Variants in RILPL1 observed in about 807,000 individuals in gnomAD.
The protein encoded by RILPL1 is RILP-like protein 1.
A neutral mutation model predicts 50.3 loss-of-function variants in RILPL1; 33 were observed. That is an observed-to-expected ratio of 0.66 (90% CI 0.50 to 0.88). RILPL1 has a LOEUF of 0.88. Ranked by LOEUF, RILPL1 falls within the 40% of genes least tolerant of loss-of-function variation. The pLI, the probability that RILPL1 is intolerant of heterozygous loss-of-function variation, is 0.00. For missense variants in RILPL1, 418 were observed against 542.5 expected, an observed-to-expected ratio of 0.77 and a Z score of 2.28; for synonymous variants, 205 against 228.6, an observed-to-expected ratio of 0.90 and a Z score of 0.93.
Position 123,494,396 on chromosome 12 carries a change from C to T in RILPL1, c.801+4148G>A, listed in dbSNP as rs1467902764. Among the ~76,000 whole-genome samples the T allele has an allele frequency of 5.9e-5, 9 of 152,368 alleles. No homozygotes were observed. In the East Asian group the frequency reaches 1.7e-3, roughly 29 times the overall value. ...AAAGCAGCCTGGAGGGTTCACATTACCGCAGCCTGATTTTACTCCCTCCTC... is the reference window on the plus strand; with the variant it reads ...AAAGCAGCCTGGAGGGTTCACATTATCGCAGCCTGATTTTACTCCCTCCTC... On this transcript the variant is annotated intron_variant, in intron 4 of 6. Transcript: ENST00000376874.
chr12:123,509,019 C>T, intron 2 of RILPL1, among the ~76,000 whole-genome samples: 1 of 152,104 alleles, frequency 6.6e-6, no homozygotes, highest in Non-Finnish European at 1.5e-5. Flanking sequence ...AACCTCTCGT[C>T]TCTACTAATA....
In RILPL1 at chr12:123,533,686, G is replaced by A. The variant is rs1451348794; in HGVS notation, c.-204C>T. 6.1e-6 allele frequency: 1 copy of A among 164,120 alleles called. No homozygotes were observed. Among genetic ancestry groups the A allele is most frequent in the Non-Finnish European group, 1.2e-5 (1 of 81,670 alleles). The allele number at this position is 164,120 out of a possible 1,614,324, so 10.2% of individuals were successfully genotyped here. A position where few individuals can be genotyped will look rare whatever the true frequency, so the allele number is the denominator to read the frequency against. On this transcript the variant is annotated 5_prime_UTR_variant, in exon 1 of 7. Coordinates refer to ENST00000376874, the MANE Select transcript of RILPL1 (RefSeq NM_178314.5). The surrounding 1 kb of genome is among the most constrained non-coding windows in gnomAD (Gnocchi z 6.2). ...CGCGGGGTGTGCGGGCCCGGGGTCT[G>A]GGCGCCCGGCTCGGCCCGGAGCTGC...
At chr12:123,475,366 G>A (rs895462794) in intron 6 of RILPL1, 19 of 406,184 alleles carry the variant, frequency 4.7e-5, no homozygotes, top group East Asian at 1.4e-4. Flanking sequence ...TTACTGACCC[G>A]TCACTTAAAG....
chr12:123,477,987 CTTTTTTTTT>C (rs56296800), intron 6 of RILPL1, among the ~76,000 whole-genome samples: 4 of 41,176 alleles, frequency 9.7e-5, no homozygotes, highest in African/African-American at 9.7e-5. Context: ...ATCTGTATGT[CTTTTTTTTT>C]TTTTTTTTTT....
chr12:123,476,868 G>A (rs1000778473), intron 6 of RILPL1, among the ~76,000 whole-genome samples: 1 of 152,216 alleles, frequency 6.6e-6, no homozygotes, highest in East Asian at 1.9e-4. Context: ...TGGCTCCCCA[G>A]GGCTAAAATG....
At chr12:123,515,672 T>C (rs979911113) in intron 2 of RILPL1, among the ~76,000 whole-genome samples, 4 of 151,512 alleles carry the variant, frequency 2.6e-5, no homozygotes, top group African/African-American at 9.7e-5. Context: ...GGATGGTCTT[T>C]ATCTCTTCAC....
intron 2 of RILPL1, chr12:123,519,900 G>C (rs1471819409): frequency 6.6e-6 from 1 of 152,428 alleles, no homozygotes; most frequent in African/African-American, 2.4e-5. Context: ...GCCCAGCAGG[G>C]ATCTGGAAGG....
intron 6 of RILPL1, chr12:123,475,968 A>G (rs1881566896): frequency 4.3e-6 from 2 of 464,722 alleles, no homozygotes; most frequent in Admixed American, 3.4e-5. Flanking sequence ...CGGTGGCGCA[A>G]TCTCAGCTTA....
intron 4 of RILPL1, among the ~76,000 whole-genome samples, chr12:123,487,003 T>C (rs1882383432): frequency 6.6e-6 from 1 of 152,124 alleles, no homozygotes. Flanking sequence ...TTCACCATGT[T>C]GGCCAGACTG....
At chr12:123,513,115 TGTGTGTGTGTGGTGTGTGAGGTCC>T (rs1413665091) in intron 2 of RILPL1, among the ~76,000 whole-genome samples, 8 of 121,420 alleles carry the variant, frequency 6.6e-5, no homozygotes, top group Non-Finnish European at 9.2e-5. Flanking sequence ...TGGTGGCGTC[TGTGTGTGTGTGGTGTGTGAGGTCC>T]GTGTGTGTGT....
intron 2 of RILPL1, among the ~76,000 whole-genome samples, chr12:123,506,196 C>T (rs913663581): frequency 2.0e-4 from 30 of 152,146 alleles, no homozygotes; most frequent in African/African-American, 7.0e-4. Context: ...GGAAAGGAGG[C>T]CTGGTGGCAA....
At position 123,485,109 on chromosome 12, in the gene RILPL1, A is replaced by G. The variant is rs143368532; in HGVS notation, c.974+524T>C. ...TTCCTTCCAGCTTTCTATTCAACAG[A>G]TATTTGTTGTGCACCTACTGTGTGC... On this transcript the variant is annotated intron_variant, in intron 5 of 6. Transcript: ENST00000376874. The surrounding 1 kb of genome is among the most constrained non-coding windows in gnomAD (Gnocchi z 4.0). 1.1e-4 allele frequency: 50 copies of G among 455,400 alleles called. No individual in the cohort carries two copies. The East Asian group carries it at 2.2e-3, about 20-fold the overall frequency. The allele number at this position is 455,400 out of a possible 1,614,324, so 28.2% of individuals were successfully genotyped here.
At chr12:123,499,793 G>A (rs1040653833) in intron 2 of RILPL1, among the ~76,000 whole-genome samples, 10 of 151,876 alleles carry the variant, frequency 6.6e-5, no homozygotes, top group Non-Finnish European at 1.2e-4. Context: ...CCCTGTGGCT[G>A]GCGCGCTTCA....
chr12:123,482,972 T>C (rs1358267690), intron 6 of RILPL1, among the ~76,000 whole-genome samples: 3 of 152,168 alleles, frequency 2.0e-5, no homozygotes, highest in Admixed American at 6.5e-5. Context: ...CATTGTCTAC[T>C]CACAGGGCAA....
chr12:123,489,501 A>G lies in RILPL1; in HGVS notation c.802-3696T>C, dbSNP rs1882550246. On this transcript the variant is annotated intron_variant, in intron 4 of 6. Transcript: ENST00000376874. This position sits in a 1 kb window ranked among gnomAD's most constrained non-coding sequence, Gnocchi z 4.0. ...AACATGGTGAAACCCCGTCTCTACT[A>G]AAAAACACAAAAATTAGTCAGGCAT... 6.6e-6 allele frequency among the ~76,000 whole-genome samples: 1 copy of G among 151,932 alleles called. No homozygotes were observed. Among genetic ancestry groups the G allele is most frequent in the Non-Finnish European group, 1.5e-5 (1 of 67,978 alleles).
rs1251360665 is a variant in RILPL1, at chr12:123,471,260, T to TG, written c.*1277dup. The TG allele has an allele frequency of 6.6e-6, 1 of 151,998 alleles. No individual in the cohort carries two copies. The highest frequency in any genetic ancestry group is 2.4e-5 in the African/African-American group (1 of 41,374). The allele number at this position is 151,998 out of a possible 1,614,324, so 9.4% of individuals were successfully genotyped here. On this transcript the variant is annotated 3_prime_UTR_variant, in exon 7 of 7. Transcript: ENST00000376874. ...TAATTTTTTTGTATTTTTGTAGAGA[T>TG]GGGGTTTCACCGTGTTGGCCAAGCT...
chr12:123,533,309 C>T lies in RILPL1; in HGVS notation c.174G>A (p.Val58=). The T allele has an allele frequency of 1.3e-6, 2 of 1,583,570 alleles. No homozygotes were observed. The highest frequency in any genetic ancestry group is 2.7e-5 in the African/African-American group (2 of 74,480). ...EAIARLMPKV[V]RVLEILEVLV... is the part of the protein sequence containing the mutation. ...GCACCTCCAGGATCTCCAGGACGCG[C>T]ACGACCTTGGGCATGAGGCGCGCGA... Residue 58 remains valine (V), a synonymous_variant, in exon 1 of 7, where the codon GTG becomes GTA. Transcript: ENST00000376874. This position sits in a 1 kb window ranked among gnomAD's most constrained non-coding sequence, Gnocchi z 6.2.
At chr12:123,511,269 TGGTGTGTG>T (rs1884162785) in intron 2 of RILPL1, among the ~76,000 whole-genome samples, 1 of 93,676 alleles carries the variant, frequency 1.1e-5, no homozygotes, top group African/African-American at 6.1e-5. Flanking sequence ...TGTGTGTGTG[TGGTGTGTG>T]CAGTGTGAGT....
At chr12:123,488,444 CAAAA>C (rs542226782) in intron 4 of RILPL1, among the ~76,000 whole-genome samples, 15 of 76,970 alleles carry the variant, frequency 1.9e-4, no homozygotes, top group Admixed American at 4.6e-4. Context: ...GACCCTGTCT[CAAAA>C]AAAAAAAAAA....
Sources: gnomAD v4.1 joint callset for allele counts (sites outside exome capture counted in the v4.1 genomes callset) on GRCh38, gnomAD v4.1.1 for gene constraint, Gnocchi (gnomAD v3.1) non-coding constraint, MANE v1.5 for transcripts, NCBI Gene and HGNC (gene_info 2026-07-23, HGNC 2026-07-21) for gene names.